The following ZFX variants were observed in gnomAD, a reference collection of about 807,000 sequenced individuals.
ZFX encodes the protein zinc finger X-chromosomal protein.
For missense variants in ZFX, 362 were observed against 628.3 expected (o/e 0.58, Z 4.53); for synonymous variants, 196 against 226.8 (o/e 0.86, Z 1.22).
chrX:24,198,775 A>G (rs1937096874), intron 5 of ZFX, among the ~76,000 whole-genome samples: 1 of 111,189 alleles, frequency 9.0e-6, no homozygotes, highest in African/African-American at 3.3e-5. Flanking sequence ...TTTGGGTTAT[A>G]AGTATGGTCA....
At chrX:24,193,794 A>T in intron 5 of ZFX, among the ~76,000 whole-genome samples, 1 of 112,027 alleles carries the variant, frequency 8.9e-6, no homozygotes, top group Non-Finnish European at 1.9e-5. Flanking sequence ...TTTTAAAATT[A>T]TTGTTTTTTA....
At chrX:24,155,884 A>G (rs758303219) in intron 3 of ZFX, among the ~76,000 whole-genome samples, 3 of 111,526 alleles carry the variant, frequency 2.7e-5, no homozygotes, top group Non-Finnish European at 5.7e-5. Flanking sequence ...TTATTGGTAT[A>G]TGGGTTTTAT....
Position 24,201,008 on chromosome X carries a change from T to C in ZFX, c.647-6318T>C, listed in dbSNP as rs748109058. ...AAAGCTCTAGTTCTTCATTACTACA[T>C]TAGGAGAAGGCACTTATGCAGGAAT... On this transcript the variant is annotated intron_variant, in intron 5 of 9. Transcript: ENST00000304543. 1.5e-4 allele frequency among the ~76,000 whole-genome samples: 17 copies of C among 112,453 alleles called. No individual in the cohort carries two copies. The South Asian group carries it at 6.2e-3, about 41-fold the overall frequency.
At position 24,208,276 on chromosome X, in the gene ZFX, T is replaced by TGCAGCA; in HGVS notation, c.1005_1010dup (p.Ala340_Ala341dup). The TGCAGCA allele has an allele frequency of 2.5e-6, 3 of 1,211,480 alleles. No individual in the cohort carries two copies. Among genetic ancestry groups the TGCAGCA allele is most frequent in the South Asian group, 3.5e-5 (2 of 56,723 alleles). On this transcript the variant is annotated inframe_insertion, in exon 8 of 10. Transcript: ENST00000304543. Reference sequence around the variant, plus strand: ...AAGTGATCGTAGGAGAGGAGGATGCTGCAGCAGCAGCGGCAGCCGCCGCCG... The same window carrying TGCAGCA: ...AAGTGATCGTAGGAGAGGAGGATGCTGCAGCAGCAGCAGCAGCGGCAGCCGCCGCCG...
At position 24,205,791 on chromosome X, in the gene ZFX, G is replaced by A. The variant is rs58462420; in HGVS notation, c.647-1535G>A. On this transcript the variant is annotated intron_variant, in intron 5 of 9. Transcript: ENST00000304543. ...GTCGCTTGAACCCAGGAAGCAGAAT[G>A]AGCCAAGATTGTGCCACTGCACTCC... Among the ~76,000 whole-genome samples the A allele has an allele frequency of 9.3e-3, 1,035 of 111,336 alleles. 10 individuals are homozygous for A. Among genetic ancestry groups the A allele is most frequent in the African/African-American group, 0.032 (966 of 30,652 alleles).
chrX:24,194,442 A>G (rs959612940), intron 5 of ZFX, among the ~76,000 whole-genome samples: 13 of 111,201 alleles, frequency 1.2e-4, no homozygotes, highest in Non-Finnish European at 1.7e-4. Context: ...AGCTGTGCAC[A>G]TTAGGTTTAT....
chrX:24,168,671 CTTTTT>C (rs141296315), intron 3 of ZFX, among the ~76,000 whole-genome samples: 2 of 83,264 alleles, frequency 2.4e-5, no homozygotes, highest in Non-Finnish European at 2.3e-5. Flanking sequence ...TTCTTTCTTT[CTTTTT>C]TTTTTTTTTT....
At chrX:24,163,049 T>C (rs755404800) in intron 3 of ZFX, among the ~76,000 whole-genome samples, 1 of 111,230 alleles carries the variant, frequency 9.0e-6, no homozygotes, top group Non-Finnish European at 1.9e-5. Context: ...TGTTAAAATA[T>C]CTATCCCAAT....
Position 24,193,567 on chromosome X carries a change from T to C in ZFX, c.647-13759T>C, listed in dbSNP as rs917020431. Among the ~76,000 whole-genome samples the C allele has an allele frequency of 3.6e-5, 4 of 112,063 alleles. No homozygotes were observed. The East Asian group carries it at 8.3e-4, about 23-fold the overall frequency. On this transcript the variant is annotated intron_variant, in intron 5 of 9. Transcript: ENST00000304543. ...CACTTTAAAATGGATAATTTTGTTA[T>C]GTAAACTATATCTCAATAATGATAA...
At chrX:24,157,309 T>C (rs768121322) in intron 3 of ZFX, among the ~76,000 whole-genome samples, 4 of 112,279 alleles carry the variant, frequency 3.6e-5, no homozygotes, top group Non-Finnish European at 5.6e-5. Context: ...TGTTGACTTA[T>C]ATGTATTGAT....
chrX:24,194,034 C>G (rs1288023699), intron 5 of ZFX, among the ~76,000 whole-genome samples: 2 of 111,395 alleles, frequency 1.8e-5, no homozygotes, highest in East Asian at 5.6e-4. Context: ...TTCGACTACC[C>G]TAGCTACCTC....
intron 5 of ZFX, among the ~76,000 whole-genome samples, chrX:24,186,890 G>GT (rs1054495557): frequency 9.0e-6 from 1 of 111,440 alleles, no homozygotes; most frequent in African/African-American, 3.3e-5. Context: ...CCATCACACC[G>GT]TATGTATATT....
intron 5 of ZFX, among the ~76,000 whole-genome samples, chrX:24,204,280 GAAGTT>G (rs1341086371): frequency 8.9e-6 from 1 of 112,615 alleles, no homozygotes; most frequent in Non-Finnish European, 1.9e-5. Flanking sequence ...CAGTAAGTCA[GAAGTT>G]AAGTTGACAA....
rs1346121011 is a variant in ZFX, at chrX:24,179,613, A to G, written c.489A>G (p.Glu163=). The change falls in exon 5 of 10, where the codon GAA becomes GAG. Residue 163 remains glutamate, a synonymous_variant. Transcript: ENST00000304543. ...ATGTGGTTCATGATAGTGTAGTGGA[A>G]GCAGAAATTGTCACTGATCCTCTGA... ...VEHVVHDSVV[E]AEIVTDPLTT... is the part of the protein sequence containing the mutation. 1.2e-5 allele frequency: 14 copies of G among 1,210,459 alleles called. No individual in the cohort carries two copies. The highest frequency in any genetic ancestry group is 1.5e-5 in the Non-Finnish European group (13 of 895,421).
chrX:24,161,330 G>A (rs1039793669), intron 3 of ZFX, among the ~76,000 whole-genome samples: 4 of 112,170 alleles, frequency 3.6e-5, no homozygotes, highest in Non-Finnish European at 5.6e-5. Flanking sequence ...CAGTGCAATC[G>A]CAATAAATAT....
intron 3 of ZFX, among the ~76,000 whole-genome samples, chrX:24,156,804 G>C (rs746352434): frequency 1.6e-3 from 181 of 109,897 alleles, no homozygotes; most frequent in Middle Eastern, 9.3e-3. Context: ...ACAGGCGCCC[G>C]CAACCACGCC....
chrX:24,200,068 G>A (rs1051376972), intron 5 of ZFX, among the ~76,000 whole-genome samples: 8 of 111,226 alleles, frequency 7.2e-5, no homozygotes, highest in African/African-American at 2.6e-4. Flanking sequence ...GGGGATGGGC[G>A]ATAGGAAGGA....
chrX:24,210,433 A>G lies in ZFX; in HGVS notation c.1475A>G (p.Glu492Gly). 1 of 1,212,139 alleles carries G rather than the reference A, an allele frequency of 8.2e-7. No individual in the cohort carries two copies. Among genetic ancestry groups the G allele is most frequent in the Non-Finnish European group, 1.1e-6 (1 of 895,644 alleles). The change falls in exon 10 of 10, where the codon GAG becomes GGG. Residue 492 changes from glutamate to glycine, a missense_variant. Coordinates refer to ENST00000304543, the MANE Select transcript of ZFX (RefSeq NM_003410.4). ...SKAEKAIECD[E>G]CGKHFSHAGA... ...GCAGAGAAGGCCATTGAATGCGATG[A>G]GTGTGGGAAGCATTTCTCTCATGCA...
intron 3 of ZFX, among the ~76,000 whole-genome samples, chrX:24,167,219 A>T (rs185983914): frequency 9.0e-6 from 1 of 111,685 alleles, no homozygotes; most frequent in African/African-American, 3.3e-5. Flanking sequence ...GGAAGATGGG[A>T]TACTCTTCCA....
Sources: gnomAD v4.1 joint callset for allele counts (sites outside exome capture counted in the v4.1 genomes callset) on GRCh38, gnomAD v4.1.1 for gene constraint, MANE v1.5 for transcripts, NCBI Gene and HGNC (gene_info 2026-07-23, HGNC 2026-07-21) for gene names.